CASZ1: variants seen among roughly 807,000 people sequenced by gnomAD.
CASZ1 encodes the protein castor zinc finger 1, also known as zinc finger protein castor homolog 1.
Under a neutral mutation model 135.2 loss-of-function variants are expected in CASZ1, and 28 were observed. The ratio of observed to expected loss-of-function variants is 0.21; its 90% CI spans 0.15 to 0.28. The LOEUF is 0.28. Among genes scored for constraint, CASZ1 ranks in the 10% least tolerant of loss-of-function variants. The pLI, the probability that CASZ1 is intolerant of heterozygous loss-of-function variation, is 1.00. For missense variants in CASZ1, 2,161 were observed against 2,453.3 expected (o/e 0.88, Z 2.52); for synonymous variants, 1,068 against 1,073.4 (o/e 0.99, Z 0.10).
rs1200526711 is a variant in CASZ1 at position 10,717,615 on chromosome 1, C to T, written c.-76-12071G>A. The stretch of plus-strand genomic sequence containing the variant: ...TCCAGCTGCTCAGACACTTTGGGAT[C>T]AGACACCAAATACGGCTCCTGAGGA... On this transcript the variant is annotated intron_variant, in intron 2 of 20. Transcript: ENST00000377022. This position sits in a 1 kb window ranked among gnomAD's most constrained non-coding sequence, Gnocchi z 4.6. Among the ~76,000 whole-genome samples, 1 of 152,154 alleles carries T rather than the reference C, an allele frequency of 6.6e-6. No individual in the cohort carries two copies. Among genetic ancestry groups the T allele is most frequent in the African/African-American group, 2.4e-5 (1 of 41,438 alleles).
In CASZ1 at chr1:10,654,514, G is replaced by A. The variant is rs1557472307; in HGVS notation, c.1743C>T (p.Leu581=). The change falls in exon 10 of 21, where the codon CTC becomes CTT. Residue 581 remains leucine, a synonymous_variant. Coordinates refer to ENST00000377022, the MANE Select transcript of CASZ1 (RefSeq NM_001079843.3). ...HENFHKKNTQ[L]INDGFQRFRA... Reference sequence around the variant, plus strand: ...GGAAGCGCTGGAAGCCGTCGTTAATGAGCTGGGTATTCTTCTTGTGGAAGT... The same window carrying A: ...GGAAGCGCTGGAAGCCGTCGTTAATAAGCTGGGTATTCTTCTTGTGGAAGT... 1 of 1,614,260 alleles carries A rather than the reference G, an allele frequency of 6.2e-7. No individual in the cohort carries two copies. The highest frequency in any genetic ancestry group is 1.1e-5 in the South Asian group (1 of 91,086).
At chr1:10,702,365 C>G (rs892775151) in intron 3 of CASZ1, among the ~76,000 whole-genome samples, 1 of 152,180 alleles carries the variant, frequency 6.6e-6, no homozygotes, top group Non-Finnish European at 1.5e-5. Context: ...AGATCTCAGA[C>G]CCCTCCTCTC....
Position 10,660,114 on chromosome 1 carries a change from A to C in CASZ1, c.928T>G (p.Ser310Ala), listed in dbSNP as rs1488510155. Residue 310 changes from serine to alanine, a missense_variant, in exon 6 of 21, where the codon TCC becomes GCC. By Grantham distance (99) the Ser-to-Ala change is moderately conservative. Coordinates refer to ENST00000377022, the MANE Select transcript of CASZ1 (RefSeq NM_001079843.3). ...VQMQNLVARA[S>A]KYDFFIQKLK... The stretch of plus-strand genomic sequence containing the variant: ...TTTTGGATGAAGAAGTCGTACTTGG[A>C]GGCCCGGGCTACCAGGTTCTGCATC... The C allele has an allele frequency of 6.2e-7, 1 of 1,613,944 alleles. No homozygotes were observed. The highest frequency in any genetic ancestry group is 2.2e-5 in the East Asian group (1 of 44,870).
At chr1:10,649,016 G>A (rs1158750647) in intron 15 of CASZ1, 54 bp downstream of exon 15, 4 of 1,594,230 alleles carry the variant, frequency 2.5e-6, no homozygotes, top group Non-Finnish European at 3.4e-6. Context: ...CCACCCCAGA[G>A]CCAGGCTGGG....
intron 2 of CASZ1, among the ~76,000 whole-genome samples, chr1:10,738,145 G>A (rs1170692923): frequency 6.6e-6 from 1 of 152,208 alleles, no homozygotes; most frequent in African/African-American, 2.4e-5. Flanking sequence ...GTTCTATGAA[G>A]GCAATAAAAC....
chr1:10,730,312 G>A (rs532943481), intron 2 of CASZ1, among the ~76,000 whole-genome samples: 122 of 152,264 alleles, frequency 8.0e-4, no homozygotes, highest in Non-Finnish European at 1.5e-3. Flanking sequence ...GGGATTACAG[G>A]TGTGAGCCAC....
chr1:10,649,498 T>G lies in CASZ1; in HGVS notation c.2881-61A>C, dbSNP rs376006928. On this transcript the variant is annotated intron_variant, in intron 13 of 20. Coordinates refer to ENST00000377022, the MANE Select transcript of CASZ1 (RefSeq NM_001079843.3). ...AGCTTAGAACACAGACACGGCAGCC[T>G]GGGGAGCAACAGCCGAAGCTCTGGG... 3.8e-4 allele frequency: 581 copies of G among 1,529,140 alleles called. 5 individuals are homozygous for G. The East Asian group carries it at 5.0e-3, about 13-fold the overall frequency. 94.7% of individuals were successfully genotyped at this position (1,529,140 alleles called of 1,614,324 possible). A position where few individuals can be genotyped will look rare whatever the true frequency, so the allele number is the denominator to read the frequency against.
At position 10,655,844 on chromosome 1, in the gene CASZ1, G is replaced by A. The variant is rs1203232592; in HGVS notation, c.1501-31C>T. ...AGGAGACAGCGCCACGTGGGCAGGA[G>A]CCTGAGCTCCCCCTCCGCCCTTCCT... On this transcript the variant is annotated intron_variant, in intron 8 of 20. Transcript: ENST00000377022. 2.5e-6 allele frequency: 4 copies of A among 1,607,008 alleles called. No individual in the cohort carries two copies. The East Asian group carries it at 6.7e-5, about 27-fold the overall frequency.
intron 15 of CASZ1, chr1:10,648,865 G>A (rs1642459415): frequency 4.6e-6 from 3 of 648,228 alleles, no homozygotes; most frequent in Non-Finnish European, 7.7e-6. Flanking sequence ...GGAAGGGCCT[G>A]GACAGGGGCT....
At position 10,755,158 on chromosome 1, in the gene CASZ1, G is replaced by A. The variant is rs974785630; in HGVS notation, c.-77+5543C>T. Reference sequence around the variant, plus strand: ...ACGTGGCAGCATCCAGGGGTCCCGCGGAAGGTGGGCAGCAAGGGGATCACT... The same window carrying A: ...ACGTGGCAGCATCCAGGGGTCCCGCAGAAGGTGGGCAGCAAGGGGATCACT... On this transcript the variant is annotated intron_variant, in intron 2 of 20. Coordinates refer to ENST00000377022, the MANE Select transcript of CASZ1 (RefSeq NM_001079843.3). This position sits in a 1 kb window ranked among gnomAD's most constrained non-coding sequence, Gnocchi z 4.3. Among the ~76,000 whole-genome samples the A allele has an allele frequency of 1.6e-4, 24 of 152,218 alleles. No homozygotes were observed. The highest frequency in any genetic ancestry group is 4.6e-4 in the African/African-American group (19 of 41,468).
chr1:10,639,970 T>C lies in CASZ1; in HGVS notation c.4252A>G (p.Thr1418Ala), dbSNP rs370505461. Residue 1418 changes from threonine to alanine, a missense_variant, in exon 21 of 21, where the codon ACG (threonine) becomes GCG (alanine). Thr to Ala is a moderately conservative substitution (Grantham distance 58). Transcript: ENST00000377022. The surrounding 1 kb of genome is among the most constrained non-coding windows in gnomAD (Gnocchi z 4.0). ...TCCAGCATCTTCCGGGAGGACGCCG[T>C]CTTCCGCCGCTTGCCGAAGGGCGAC... ...DMSPFGKRRK[T>A]ASSRKMLDEG... 1.2e-6 allele frequency: 2 copies of C among 1,612,690 alleles called. No homozygotes were observed.
At chr1:10,716,524 C>T (rs1639396232) in intron 2 of CASZ1, among the ~76,000 whole-genome samples, 1 of 152,212 alleles carries the variant, frequency 6.6e-6, no homozygotes, top group South Asian at 2.1e-4. Flanking sequence ...AGGGTGGCTG[C>T]ACTTGAGCCC....
chr1:10,754,643 G>A (rs1379100498), intron 2 of CASZ1, among the ~76,000 whole-genome samples: 4 of 152,140 alleles, frequency 2.6e-5, no homozygotes, highest in African/African-American at 7.2e-5. Context: ...AGGGGTGCCC[G>A]AGGGGACCCA....
chr1:10,792,050 G>T (rs1219323231), intron 1 of CASZ1, among the ~76,000 whole-genome samples: 1 of 151,036 alleles, frequency 6.6e-6, no homozygotes, highest in African/African-American at 2.4e-5. Context: ...AGCAAAGAGG[G>T]AAATAATAGG....
rs934734995 is a variant in CASZ1 at position 10,706,572 on chromosome 1, C to T, written c.-76-1028G>A. On this transcript the variant is annotated intron_variant, in intron 2 of 20. Coordinates refer to ENST00000377022, the MANE Select transcript of CASZ1 (RefSeq NM_001079843.3). The surrounding 1 kb of genome is among the most constrained non-coding windows in gnomAD (Gnocchi z 4.3). ...ATGAGGTGACCTTGTTGAGGGCTCC[C>T]GGAATGCCACCCAGTCCCACCGCCC... Among the ~76,000 whole-genome samples, 7 of 152,174 alleles carry T rather than the reference C, an allele frequency of 4.6e-5. No homozygotes were observed. The highest frequency in any genetic ancestry group is 6.5e-5 in the Admixed American group (1 of 15,282).
Position 10,649,107 on chromosome 1 carries a change from GCGCGCCGC to G in CASZ1, c.3113_3120del (p.Cys1038SerfsTer227). 1 of 1,613,620 alleles carries G rather than the reference GCGCGCCGC, an allele frequency of 6.2e-7. No homozygotes were observed. Among genetic ancestry groups the G allele is most frequent in the Non-Finnish European group, 8.5e-7 (1 of 1,180,022 alleles). Reference sequence around the variant, plus strand: ...ATGGCCCCGTCCAAGGTGCTGAAGAGCGCGCCGCATTCCTCCACCACGCAGTGGAAGTG... The same window carrying G: ...ATGGCCCCGTCCAAGGTGCTGAAGAGATTCCTCCACCACGCAGTGGAAGTG... On this transcript the variant is annotated frameshift_variant, in exon 15 of 21. Coordinates refer to ENST00000377022, the MANE Select transcript of CASZ1 (RefSeq NM_001079843.3). LOFTEE classifies it high-confidence loss of function.
intron 2 of CASZ1, among the ~76,000 whole-genome samples, chr1:10,723,225 C>T (rs1639536158): frequency 1.3e-5 from 2 of 152,168 alleles, no homozygotes; most frequent in South Asian, 2.1e-4. Flanking sequence ...AGGGTTTCAT[C>T]TGAACACCCA....
At chr1:10,789,396 C>A (rs943482139) in intron 1 of CASZ1, among the ~76,000 whole-genome samples, 2 of 146,982 alleles carry the variant, frequency 1.4e-5, no homozygotes, top group Admixed American at 6.9e-5. Flanking sequence ...GCTCTTTTCT[C>A]TGTGTCCTCA....
rs545362268 is a variant in CASZ1 at position 10,733,156 on chromosome 1, G to A, written c.-77+27545C>T. ...AGGAGAAAGGAAAGAAAGAGGGCAG[G>A]CCAGGCTTCCCAGGGTCGCCTCCAG... On this transcript the variant is annotated intron_variant, in intron 2 of 20. Coordinates refer to ENST00000377022, the MANE Select transcript of CASZ1 (RefSeq NM_001079843.3). 9.2e-5 allele frequency among the ~76,000 whole-genome samples: 14 copies of A among 152,306 alleles called. No individual in the cohort carries two copies. In the South Asian group the frequency reaches 2.7e-3, roughly 29 times the overall value.
Sources: gnomAD v4.1 joint callset for allele counts (sites outside exome capture counted in the v4.1 genomes callset) on GRCh38, gnomAD v4.1.1 for gene constraint, Gnocchi (gnomAD v3.1) non-coding constraint, MANE v1.5 for transcripts, NCBI Gene and HGNC (gene_info 2026-07-23, HGNC 2026-07-21) for gene names.